The following CLNK variants were observed in gnomAD, a reference collection of about 807,000 sequenced individuals.
The protein encoded by CLNK is cytokine-dependent hematopoietic cell linker.
A neutral mutation model predicts 68.6 loss-of-function variants in CLNK; 74 were observed. The ratio of observed to expected loss-of-function variants is 1.08; its 90% CI spans 0.89 to 1.31. The LOEUF (loss-of-function observed/expected upper bound fraction) is 1.31, where lower values mean the gene tolerates loss of function less well. Ranked by LOEUF, CLNK falls within the 50% of genes most tolerant of loss-of-function variation. The pLI, the probability that CLNK is intolerant of heterozygous loss-of-function variation, is 0.00. For synonymous variants in CLNK, 198 were observed against 172.2 expected (o/e 1.15, Z -1.17); for missense variants, 553 against 515.3 (o/e 1.07, Z -0.71).
intron 1 of CLNK, among the ~76,000 whole-genome samples, chr4:10,674,927 A>G (rs2108898968): frequency 6.6e-6 from 1 of 151,830 alleles, no homozygotes; most frequent in African/African-American, 2.4e-5. Context: ...CATGTTCATG[A>G]GAATACATGG....
chr4:10,655,908 C>G (rs560770673), intron 2 of CLNK, among the ~76,000 whole-genome samples: 1 of 151,974 alleles, frequency 6.6e-6, no homozygotes, highest in Non-Finnish European at 1.5e-5. Flanking sequence ...TTTGGCCTCC[C>G]AAAGTGCTGG....
At chr4:10,717,123 G>A in the CLNK span, among the ~76,000 whole-genome samples, 1 of 152,180 alleles carries the variant, frequency 6.6e-6, no homozygotes, top group African/African-American at 2.4e-5. Flanking sequence ...ATGCCCAGCT[G>A]GGGTAGTGTG....
intron 2 of CLNK, among the ~76,000 whole-genome samples, chr4:10,634,962 G>T (rs1050511219): frequency 6.6e-6 from 1 of 152,114 alleles, no homozygotes; most frequent in Non-Finnish European, 1.5e-5. Flanking sequence ...GGGCATCCTG[G>T]CCCTCCTGAT....
At chr4:10,612,422 T>C (rs570230956) in intron 2 of CLNK, among the ~76,000 whole-genome samples, 1 of 152,302 alleles carries the variant, frequency 6.6e-6, no homozygotes, top group East Asian at 1.9e-4. Flanking sequence ...GCCACTTTTC[T>C]CAATTATTCC....
intron 14 of CLNK, among the ~76,000 whole-genome samples, chr4:10,525,144 T>A (rs888265323): frequency 1.3e-5 from 2 of 152,090 alleles, no homozygotes; most frequent in Admixed American, 6.5e-5. Flanking sequence ...GGCTCACTGC[T>A]AGCTCTGCCT....
chr4:10,682,744 G>A (rs1323359702), intron 1 of CLNK, among the ~76,000 whole-genome samples: 1 of 152,004 alleles, frequency 6.6e-6, no homozygotes, highest in African/African-American at 2.4e-5. Flanking sequence ...CTAAGCCCCA[G>A]TTTCACCTTT....
the CLNK span, among the ~76,000 whole-genome samples, chr4:10,713,484 A>G: frequency 6.6e-6 from 1 of 152,118 alleles, no homozygotes; most frequent in Non-Finnish European, 1.5e-5. Context: ...GGTGCAGGGG[A>G]AGATGAGGTC....
chr4:10,565,184 A>C (rs775165078), intron 6 of CLNK, among the ~76,000 whole-genome samples: 1 of 152,104 alleles, frequency 6.6e-6, no homozygotes, highest in Non-Finnish European at 1.5e-5. Context: ...ACTAGATTGC[A>C]CCTTCCTGAG....
chr4:10,710,573 G>C, the CLNK span, among the ~76,000 whole-genome samples: 1 of 152,106 alleles, frequency 6.6e-6, no homozygotes, highest in Admixed American at 6.5e-5. Context: ...ATGATTTCTT[G>C]AGGCAGGCAC....
At chr4:10,669,875 G>T (rs944303199) in intron 1 of CLNK, among the ~76,000 whole-genome samples, 1 of 152,064 alleles carries the variant, frequency 6.6e-6, no homozygotes, top group African/African-American at 2.4e-5. Flanking sequence ...TCTAGTCCAT[G>T]GTCTCATTTG....
chr4:10,542,662 G>A (rs1264815080), intron 8 of CLNK, among the ~76,000 whole-genome samples: 79 of 147,032 alleles, frequency 5.4e-4, no homozygotes, highest in African/African-American at 1.6e-3. Flanking sequence ...GTGTATGTGT[G>A]TGTGTGTGTG....
chr4:10,691,464 C>T, the CLNK span, among the ~76,000 whole-genome samples: 4 of 152,094 alleles, frequency 2.6e-5, no homozygotes, highest in African/African-American at 7.2e-5. Context: ...AAGACAGAGA[C>T]GTAAGTTCCA....
intron 8 of CLNK, among the ~76,000 whole-genome samples, chr4:10,547,477 A>C (rs1408456161): frequency 1.3e-5 from 2 of 151,960 alleles, no homozygotes; most frequent in Non-Finnish European, 2.9e-5. Context: ...ACTTTATTTT[A>C]TTTTCTTTTT....
At chr4:10,526,750 T>C (rs1176287047) in intron 13 of CLNK, among the ~76,000 whole-genome samples, 7 of 152,236 alleles carry the variant, frequency 4.6e-5, no homozygotes, top group Non-Finnish European at 1.0e-4. Context: ...TTTTAAAAGT[T>C]CTGCCAACCA....
chr4:10,627,498 G>A (rs540238634), intron 2 of CLNK, among the ~76,000 whole-genome samples: 1 of 152,276 alleles, frequency 6.6e-6, no homozygotes, highest in East Asian at 1.9e-4. Context: ...AGAGTACTAT[G>A]TTAGGTCTGA....
intron 2 of CLNK, 148 bp from the exon 3 acceptor site, chr4:10,598,197 C>A: frequency 1.6e-6 from 1 of 614,060 alleles, no homozygotes; most frequent in African/African-American, 1.9e-5. Context: ...CTTTGCATTA[C>A]CACTAGGGTT....
At chr4:10,569,643 C>A (rs1720264246) in intron 5 of CLNK, among the ~76,000 whole-genome samples, 1 of 152,212 alleles carries the variant, frequency 6.6e-6, no homozygotes, top group Non-Finnish European at 1.5e-5. Flanking sequence ...GGACACCAGT[C>A]TGCAACAGAT....
chr4:10,558,480 C>T, intron 7 of CLNK, 28 bp from the exon 8 acceptor site: 1 of 1,608,984 alleles, frequency 6.2e-7, no homozygotes, highest in South Asian at 1.1e-5. Context: ...GCACCATTAT[C>T]TCTTCAGTTG....
upstream of CLNK, chr4:10,684,912 T>G (rs975772127): frequency 1.3e-5 from 2 of 152,130 alleles, no homozygotes; most frequent in African/African-American, 4.8e-5. Context: ...CTTCCTCTTC[T>G]TAGGCTGGAG....
Sources: allele counts gnomAD v4.1 joint callset (sites outside exome capture counted in the v4.1 genomes callset), GRCh38; gene constraint gnomAD v4.1.1; transcripts MANE v1.5; gene names NCBI Gene and HGNC (gene_info 2026-07-23, HGNC 2026-07-21).